SNTG1: variants seen among roughly 807,000 people sequenced by gnomAD.
SNTG1 encodes the protein syntrophin gamma 1.
In SNTG1, 39 loss-of-function variants were observed where a neutral mutation model predicts 74.7. The ratio of observed to expected loss-of-function variants is 0.52; its 90% CI spans 0.40 to 0.68. SNTG1 has a LOEUF of 0.68. SNTG1 is among the 30% of genes least tolerant of loss of function. The pLI, the probability that SNTG1 is intolerant of heterozygous loss-of-function variation, is 0.00. For synonymous variants in SNTG1, 254 were observed against 217.1 expected (o/e 1.17, Z -1.49); for missense variants, 685 against 609.5 (o/e 1.12, Z -1.30).
chr8:50,137,607 G>A (rs1466836240), intron 1 of SNTG1, among the ~76,000 whole-genome samples: 1 of 152,166 alleles, frequency 6.6e-6, no homozygotes, highest in African/African-American at 2.4e-5. Flanking sequence ...GCAAGAAGGC[G>A]ACAGAATGAC....
At chr8:50,722,525 C>G (rs1429945360) in intron 17 of SNTG1, among the ~76,000 whole-genome samples, 1 of 152,114 alleles carries the variant, frequency 6.6e-6, no homozygotes, top group Non-Finnish European at 1.5e-5. Context: ...TTCTGTAATG[C>G]TTACCTGTTT....
intron 4 of SNTG1, among the ~76,000 whole-genome samples, chr8:50,435,917 C>T (rs1419263722): frequency 6.6e-6 from 1 of 152,080 alleles, no homozygotes. Context: ...AGAGAGTGGG[C>T]TTGTAGAGCA....
At chr8:49,996,598 A>T (rs1814242712) in intron 1 of SNTG1, among the ~76,000 whole-genome samples, 1 of 152,176 alleles carries the variant, frequency 6.6e-6, no homozygotes, top group Non-Finnish European at 1.5e-5. Context: ...TACACATTAA[A>T]ATAAATTTTA....
intron 2 of SNTG1, among the ~76,000 whole-genome samples, chr8:50,203,523 C>T (rs983900312): frequency 1.1e-4 from 16 of 152,076 alleles, no homozygotes; most frequent in Non-Finnish European, 1.9e-4. Flanking sequence ...ATACATCAGA[C>T]GTGAAAGAAA....
At chr8:50,765,459 G>A (rs1009368485) in intron 18 of SNTG1, among the ~76,000 whole-genome samples, 1 of 151,798 alleles carries the variant, frequency 6.6e-6, no homozygotes, top group African/African-American at 2.4e-5. Context: ...GTGTTGTGAG[G>A]GTCCTGGGGT....
intron 8 of SNTG1, among the ~76,000 whole-genome samples, chr8:50,491,875 C>T (rs545549148): frequency 4.2e-5 from 3 of 71,038 alleles, no homozygotes; most frequent in Non-Finnish European, 8.7e-5. Flanking sequence ...TATTCCTCCC[C>T]TAGCTCCCCC....
intron 1 of SNTG1, among the ~76,000 whole-genome samples, chr8:50,020,652 G>A (rs1329478568): frequency 6.6e-6 from 1 of 151,940 alleles, no homozygotes; most frequent in Non-Finnish European, 1.5e-5. Flanking sequence ...TTTACAAAGG[G>A]GCTATTTATT....
intron 1 of SNTG1, among the ~76,000 whole-genome samples, chr8:50,110,823 A>C (rs2131300168): frequency 6.6e-6 from 1 of 152,232 alleles, no homozygotes; most frequent in Non-Finnish European, 1.5e-5. Flanking sequence ...TTTTATGTAC[A>C]AAAATTGGCC....
At chr8:50,507,071 A>C (rs572705708) in intron 9 of SNTG1, among the ~76,000 whole-genome samples, 1 of 152,056 alleles carries the variant, frequency 6.6e-6, no homozygotes, top group South Asian at 2.1e-4. Flanking sequence ...TCATCAACTG[A>C]GGTGTCTATG....
intron 15 of SNTG1, among the ~76,000 whole-genome samples, chr8:50,665,748 A>T (rs776364008): frequency 1.6e-4 from 24 of 152,166 alleles, no homozygotes; most frequent in Non-Finnish European, 2.8e-4. Flanking sequence ...CAATTCTGGG[A>T]TAAAATAAAT....
At chr8:49,944,917 A>G (rs1228285625) in intron 1 of SNTG1, among the ~76,000 whole-genome samples, 3 of 152,016 alleles carry the variant, frequency 2.0e-5, no homozygotes, top group Non-Finnish European at 4.4e-5. Flanking sequence ...CCTCCTGAGT[A>G]GCTGGGACTA....
intron 2 of SNTG1, among the ~76,000 whole-genome samples, chr8:50,330,931 G>A (rs532915524): frequency 2.0e-5 from 3 of 152,242 alleles, no homozygotes; most frequent in East Asian, 3.9e-4. Context: ...TTAACAATTC[G>A]AGATAAGATT....
intron 1 of SNTG1, among the ~76,000 whole-genome samples, chr8:50,007,683 C>T (rs1283319681): frequency 6.6e-6 from 1 of 152,084 alleles, no homozygotes; most frequent in East Asian, 1.9e-4. Flanking sequence ...AGAAGAGTCA[C>T]AGTGAGCTAA....
chr8:50,294,793 A>C (rs904158700), intron 2 of SNTG1, among the ~76,000 whole-genome samples: 2 of 152,228 alleles, frequency 1.3e-5, no homozygotes, highest in Non-Finnish European at 2.9e-5. Context: ...ATTAAGCATC[A>C]TAATACTCTA....
At chr8:50,617,652 G>A (rs1032565225) in intron 13 of SNTG1, among the ~76,000 whole-genome samples, 15 of 152,202 alleles carry the variant, frequency 9.9e-5, no homozygotes, top group African/African-American at 3.1e-4. Context: ...CCCCGAGTGA[G>A]CAATCCCTGT....
At chr8:50,236,919 C>A (rs189999958) in intron 2 of SNTG1, among the ~76,000 whole-genome samples, 1 of 152,208 alleles carries the variant, frequency 6.6e-6, no homozygotes, top group East Asian at 1.9e-4. Context: ...ATAAAAACTT[C>A]CTTTAAGTAG....
At chr8:50,115,347 A>T (rs1001616075) in intron 1 of SNTG1, among the ~76,000 whole-genome samples, 4 of 151,802 alleles carry the variant, frequency 2.6e-5, no homozygotes, top group African/African-American at 9.7e-5. Context: ...TGGGTGGATC[A>T]CCTGAGGTCA....
chr8:50,023,030 G>A (rs543446859), intron 1 of SNTG1, among the ~76,000 whole-genome samples: 9 of 152,262 alleles, frequency 5.9e-5, no homozygotes, highest in South Asian at 2.1e-4. Flanking sequence ...GTGAATATAC[G>A]ATAGGAAAAC....
chr8:49,977,551 T>C (rs1253393514), intron 1 of SNTG1, among the ~76,000 whole-genome samples: 1 of 152,118 alleles, frequency 6.6e-6, no homozygotes, highest in Non-Finnish European at 1.5e-5. Context: ...AAAAGTTAAG[T>C]AGGAAAACAG....
Sources: gnomAD v4.1 joint callset for allele counts (sites outside exome capture counted in the v4.1 genomes callset) on GRCh38, gnomAD v4.1.1 for gene constraint, MANE v1.5 for transcripts, NCBI Gene and HGNC (gene_info 2026-07-23, HGNC 2026-07-21) for gene names.